The following SERPINA4 variants were observed in gnomAD, a reference collection of about 807,000 sequenced individuals.
The protein encoded by SERPINA4 is serpin family A member 4, also known as kallistatin.
A neutral mutation model predicts 25.4 loss-of-function variants in SERPINA4; 24 were observed. That is an observed-to-expected ratio of 0.95 (90% CI 0.69 to 1.33). The LOEUF is 1.33. Ranked by LOEUF, SERPINA4 falls within the 40% of genes most tolerant of loss-of-function variation. SERPINA4 has a pLI of 0.00. For synonymous variants in SERPINA4, 242 were observed against 223.6 expected, an observed-to-expected ratio of 1.08 and a Z score of -0.73; for missense variants, 553 against 535.8, an observed-to-expected ratio of 1.03 and a Z score of -0.32.
At chr14:94,562,076 T>A (rs1902045353) in intron 1 of SERPINA4, among the ~76,000 whole-genome samples, 3 of 152,154 alleles carry the variant, frequency 2.0e-5, no homozygotes, top group Admixed American at 1.3e-4. Flanking sequence ...TATAAAGCTA[T>A]GAAAAATCAA....
chr14:94,565,699 A>G (rs980984734), intron 2 of SERPINA4, among the ~76,000 whole-genome samples: 14 of 151,768 alleles, frequency 9.2e-5, no homozygotes, highest in Non-Finnish European at 2.1e-4. Context: ...TACAAAAAAA[A>G]AAAAAAAAAT....
intron 4 of SERPINA4, among the ~76,000 whole-genome samples, chr14:94,568,522 G>A (rs983405438): frequency 9.9e-5 from 15 of 152,202 alleles, no homozygotes; most frequent in African/African-American, 2.9e-4. Context: ...TCTAGTCAGG[G>A]ACACAGCGTC....
chr14:94,568,295 C>G lies in SERPINA4; in HGVS notation c.1083+7C>G, dbSNP rs1238296398. 1 of 1,613,958 alleles carries G rather than the reference C, an allele frequency of 6.2e-7. No individual in the cohort carries two copies. Among genetic ancestry groups the G allele is most frequent in the Admixed American group, 1.7e-5 (1 of 60,000 alleles). ...AAAACTGGAGGCATCCAAAGTAAGT[C>G]GTCAACAGTCAGCAATCCCTAGAGA... On this transcript the variant is annotated splice_region_variant and intron_variant, in intron 4 of 4. Transcript: ENST00000557004.
At chr14:94,564,162 T>C (rs773592808) in intron 2 of SERPINA4, 31 bp downstream of exon 2, 1 of 1,586,390 alleles carries the variant, frequency 6.3e-7, no homozygotes, top group South Asian at 1.1e-5. Flanking sequence ...ATATGCTAAA[T>C]CCACACCACC....
In SERPINA4 at chr14:94,563,593, G is replaced by A. The variant is rs1902095752; in HGVS notation, c.111G>A (p.Gln37=). Residue 37 remains glutamine (Q), a synonymous_variant, in exon 2 of 5, where the codon CAG becomes CAA. Transcript: ENST00000557004. ...DGESCSNSSH[Q]QILETGEGSP... ...AGAGTTGCAGTAACAGCTCCCACCA[G>A]CAGATTCTGGAGACAGGTGAGGGCT... The A allele has an allele frequency of 1.9e-6, 3 of 1,614,006 alleles. No individual in the cohort carries two copies. The highest frequency in any genetic ancestry group is 2.2e-5 in the South Asian group (2 of 91,084).
chr14:94,563,617 C>T lies in SERPINA4; in HGVS notation c.135C>T (p.Gly45=). 1 of 1,613,870 alleles carries T rather than the reference C, an allele frequency of 6.2e-7. No individual in the cohort carries two copies. Among genetic ancestry groups the T allele is most frequent in the Non-Finnish European group, 8.5e-7 (1 of 1,180,036 alleles). Residue 45 remains glycine, a synonymous_variant, in exon 2 of 5, where the codon GGC becomes GGT. Coordinates refer to ENST00000557004, the MANE Select transcript of SERPINA4 (RefSeq NM_006215.4). ...AGCAGATTCTGGAGACAGGTGAGGG[C>T]TCCCCCAGCCTCAAGATAGCCCCTG... is the stretch of plus-strand genomic sequence containing the variant. ...SHQQILETGE[G]SPSLKIAPAN...
intron 1 of SERPINA4, chr14:94,561,769 G>A (rs374982587): frequency 8.5e-5 from 109 of 1,289,606 alleles, no homozygotes; most frequent in Middle Eastern, 6.4e-4. Context: ...GGTACAGGGC[G>A]GCACTGACTG....
At position 94,564,142 on chromosome 14, in the gene SERPINA4, G is replaced by C. The variant is rs548077223; in HGVS notation, c.649+11G>C. ...ACATTTACTTCAAAGGTGAGAGTCA[G>C]ATCATTGGTATATGCTAAATCCACA... On this transcript the variant is annotated intron_variant, in intron 2 of 4. Transcript: ENST00000557004. The C allele has an allele frequency of 6.3e-7, 1 of 1,598,948 alleles. No individual in the cohort carries two copies. The highest frequency in any genetic ancestry group is 8.5e-7 in the Non-Finnish European group (1 of 1,179,218).
At chr14:94,562,340 G>A (rs1447190888) in intron 1 of SERPINA4, among the ~76,000 whole-genome samples, 2 of 152,190 alleles carry the variant, frequency 1.3e-5, no homozygotes, top group East Asian at 1.9e-4. Flanking sequence ...AAGAGGGGGC[G>A]AGAGGCTGAA....
chr14:94,564,995 G>A (rs1902157619), intron 2 of SERPINA4, among the ~76,000 whole-genome samples: 1 of 152,202 alleles, frequency 6.6e-6, no homozygotes, highest in Non-Finnish European at 1.5e-5. Flanking sequence ...AAACAACTTT[G>A]TACGGTGTGT....
rs778351276 is a variant in SERPINA4 at position 94,569,585 on chromosome 14, C to A, written c.1274C>A (p.Thr425Lys). Residue 425 changes from threonine (T) to lysine (K), a missense_variant, in exon 5 of 5, where the codon ACG becomes AAG. Physicochemically the swap from Thr to Lys is moderately conservative, Grantham distance 78. Coordinates refer to ENST00000557004, the MANE Select transcript of SERPINA4 (RefSeq NM_006215.4). The stretch of plus-strand genomic sequence containing the variant: ...TTTCTGGGCAAGGTCGTCGACCCCA[C>A]GAAACCATAGCCCTCCCAGGGCTGC... Reference protein sequence around the residue: ...VLFLGKVVDPTKP With the variant: ...VLFLGKVVDPKKP 1 of 1,614,178 alleles carries A rather than the reference C, an allele frequency of 6.2e-7. No homozygotes were observed. Among genetic ancestry groups the A allele is most frequent in the South Asian group, 1.1e-5 (1 of 91,076 alleles).
intron 2 of SERPINA4, among the ~76,000 whole-genome samples, chr14:94,566,450 G>A (rs2093266): frequency 0.15 from 22,133 of 152,078 alleles, 1,794 homozygotes; most frequent in African/African-American, 0.22. Flanking sequence ...ACTTTTCATT[G>A]AGAAAACAGA....
In SERPINA4 at chr14:94,564,205, A is replaced by G. The variant is rs1390766091; in HGVS notation, c.649+74A>G. ...ACCCACTAATTTGTTGACTGGTTAA[A>G]TATATTTTTACAAAAATGTAAGTAA... On this transcript the variant is annotated intron_variant, in intron 2 of 4. Transcript: ENST00000557004. 14 of 1,458,404 alleles carry G rather than the reference A, an allele frequency of 9.6e-6. No homozygotes were observed. In the African/African-American group the frequency reaches 9.8e-5, roughly 10 times the overall value. 90.3% of individuals were successfully genotyped at this position (1,458,404 alleles called of 1,614,324 possible). A position where few individuals can be genotyped will look rare whatever the true frequency, so the allele number is the denominator to read the frequency against.
chr14:94,565,355 C>T (rs566334699), intron 2 of SERPINA4, among the ~76,000 whole-genome samples: 1 of 152,258 alleles, frequency 6.6e-6, no homozygotes, highest in African/African-American at 2.4e-5. Flanking sequence ...TGAGTCTGAC[C>T]ATCATCATAT....
chr14:94,561,730 A>G (rs763068537), intron 1 of SERPINA4: 3 of 1,289,780 alleles, frequency 2.3e-6, no homozygotes, highest in Non-Finnish European at 3.0e-6. Context: ...CCGGAGACCC[A>G]GAAAAGCCTC....
chr14:94,563,559 A>C lies in SERPINA4; in HGVS notation c.77A>C (p.His26Pro), dbSNP rs367555996. The C allele has an allele frequency of 3.1e-6, 5 of 1,614,084 alleles. No homozygotes were observed. The highest frequency in any genetic ancestry group is 4.2e-6 in the Non-Finnish European group (5 of 1,180,024). ...TCTCATGGCCAGCTGCACGTTGAGCATGATGGTGAGAGTTGCAGTAACAGC... is the reference window on the plus strand; with the variant it reads ...TCTCATGGCCAGCTGCACGTTGAGCCTGATGGTGAGAGTTGCAGTAACAGC... The part of the protein sequence containing the change: ...ALSHGQLHVE[H>P]DGESCSNSSH... The change falls in exon 2 of 5, where the codon CAT becomes CCT. Residue 26 changes from histidine (H) to proline (P), a missense_variant. Physicochemically the swap from His to Pro is moderately conservative, Grantham distance 77. Coordinates refer to ENST00000557004, the MANE Select transcript of SERPINA4 (RefSeq NM_006215.4).
chr14:94,568,874 A>AAAAAAAAAAAAG (rs111887262), intron 4 of SERPINA4, among the ~76,000 whole-genome samples: 1 of 146,200 alleles, frequency 6.8e-6, no homozygotes. Context: ...TCTCAAAAAA[A>AAAAAAAAAAAAG]AAAAAAAAGA....
intron 1 of SERPINA4, among the ~76,000 whole-genome samples, chr14:94,562,756 T>C (rs376482290): frequency 3.9e-5 from 6 of 152,130 alleles, no homozygotes; most frequent in Non-Finnish European, 5.9e-5. Flanking sequence ...AGGAGCAGAT[T>C]TGGGGGAGAA....
intron 4 of SERPINA4, 118 bp from the exon 5 acceptor site, chr14:94,569,277 A>G: frequency 5.6e-6 from 5 of 889,244 alleles, no homozygotes; most frequent in Non-Finnish European, 6.8e-6. Context: ...ATCCCCAAGA[A>G]ATGGCCTTGC....
Sources: allele counts gnomAD v4.1 joint callset (sites outside exome capture counted in the v4.1 genomes callset), GRCh38; gene constraint gnomAD v4.1.1; transcripts MANE v1.5; gene names NCBI Gene and HGNC (gene_info 2026-07-23, HGNC 2026-07-21).